Variants in PTPRU observed in about 807,000 individuals in gnomAD.
PTPRU encodes protein tyrosine phosphatase receptor type U.
A neutral mutation model predicts 166.3 loss-of-function variants in PTPRU; 69 were observed. The observed-to-expected ratio is 0.41, with a 90% CI of 0.34 to 0.51. The LOEUF is 0.51. Among genes scored for constraint, PTPRU ranks in the 20% least tolerant of loss-of-function variants. PTPRU has a pLI of 0.09. For missense variants in PTPRU, 1,657 were observed against 2,013.7 expected, an observed-to-expected ratio of 0.82 and a Z score of 3.39; for synonymous variants, 793 against 814.0, an observed-to-expected ratio of 0.97 and a Z score of 0.44.
intron 2 of PTPRU, among the ~76,000 whole-genome samples, chr1:29,256,001 C>A (rs1684757601): frequency 6.6e-6 from 1 of 152,122 alleles, no homozygotes; most frequent in South Asian, 2.1e-4. Flanking sequence ...TTCATCATGG[C>A]CCCTAGAACA....
chr1:29,321,937 G>A, intron 26 of PTPRU, among the ~76,000 whole-genome samples: 1 of 152,216 alleles, frequency 6.6e-6, no homozygotes, highest in East Asian at 1.9e-4. Flanking sequence ...CAGCCTTCCA[G>A]CCCTGCCTGA....
intron 15 of PTPRU, among the ~76,000 whole-genome samples, chr1:29,301,758 G>A (rs909879952): frequency 2.0e-5 from 3 of 151,942 alleles, no homozygotes; most frequent in Non-Finnish European, 4.4e-5. Context: ...GACAGGCCCC[G>A]GTGTGTGATG....
intron 15 of PTPRU, among the ~76,000 whole-genome samples, chr1:29,299,781 G>A (rs1035337840): frequency 6.6e-6 from 1 of 152,128 alleles, no homozygotes; most frequent in Non-Finnish European, 1.5e-5. Flanking sequence ...TCTCCATCTC[G>A]CCAGTTTCTT....
At chr1:29,289,589 A>G in intron 14 of PTPRU, 1 of 1,504,030 alleles carries the variant, frequency 6.6e-7, no homozygotes, top group Non-Finnish European at 9.2e-7. Context: ...GGAGGTACCC[A>G]GGCCCCACCC....
rs58202126 is a variant in PTPRU at position 29,272,770 on chromosome 1, G to T, written c.1145-2678G>T. Among the ~76,000 whole-genome samples the T allele has an allele frequency of 2.4e-4, 36 of 152,000 alleles. No homozygotes were observed. In the East Asian group the frequency reaches 3.5e-3, roughly 15 times the overall value. ...AAAAATACAAAAATTAGCTGGGCTTGGTGGTACGCACCTGTAGTGCCAGCT... is the reference window on the plus strand; with the variant it reads ...AAAAATACAAAAATTAGCTGGGCTTTGTGGTACGCACCTGTAGTGCCAGCT... On this transcript the variant is annotated intron_variant, in intron 7 of 29. Coordinates refer to ENST00000373779, the MANE Select transcript of PTPRU (RefSeq NM_133178.4).
Position 29,311,496 on chromosome 1 carries a change from G to A in PTPRU, c.2898G>A (p.Val966=), listed in dbSNP as rs758047679. ...TGGTCTATGACTTCTGGCGTATGGT[G>A]TGGCAGGAGCACTGTTCCAGCATCG... The part of the protein sequence containing the change: ...PEMVYDFWRM[V]WQEHCSSIVM... The change falls in exon 20 of 30, where the codon GTG becomes GTA. Residue 966 remains valine (V), a synonymous_variant. Coordinates refer to ENST00000373779, the MANE Select transcript of PTPRU (RefSeq NM_133178.4). This position sits in a 1 kb window ranked among gnomAD's most constrained non-coding sequence, Gnocchi z 4.1. 5.0e-5 allele frequency: 80 copies of A among 1,614,104 alleles called. No homozygotes were observed. Among genetic ancestry groups the A allele is most frequent in the Non-Finnish European group, 6.5e-5 (77 of 1,180,050 alleles).
At chr1:29,282,513 G>A (rs1686123580) in intron 11 of PTPRU, among the ~76,000 whole-genome samples, 163 bp from the exon 12 acceptor site, 1 of 152,184 alleles carries the variant, frequency 6.6e-6, no homozygotes, top group Non-Finnish European at 1.5e-5. Flanking sequence ...GGAAGAAACC[G>A]AGGCCCAGGG....
At position 29,236,635 on chromosome 1, in the gene PTPRU, C is replaced by T; in HGVS notation, c.-10C>T. The T allele has an allele frequency of 4.8e-6, 6 of 1,261,354 alleles. No homozygotes were observed. Among genetic ancestry groups the T allele is most frequent in the Non-Finnish European group, 6.0e-6 (6 of 1,001,840 alleles). 78.1% of individuals were successfully genotyped at this position (1,261,354 alleles called of 1,614,324 possible). ...CGCCGGGCCCCGGGACGGGCGGCGA[C>T]GCTCCAACCATGGCCCGTGCCCAGG... On this transcript the variant is annotated 5_prime_UTR_variant, in exon 1 of 30. In the 5' UTR this introduces an upstream ATG that the reference lacks. Coordinates refer to ENST00000373779, the MANE Select transcript of PTPRU (RefSeq NM_133178.4). This position sits in a 1 kb window ranked among gnomAD's most constrained non-coding sequence, Gnocchi z 4.6.
intron 15 of PTPRU, among the ~76,000 whole-genome samples, chr1:29,299,861 G>A (rs1017840011): frequency 1.2e-4 from 19 of 152,046 alleles, no homozygotes; most frequent in African/African-American, 3.6e-4. Flanking sequence ...GGTGCGTTAC[G>A]GACACTCCTT....
chr1:29,296,669 T>C (rs1196580326), intron 15 of PTPRU, among the ~76,000 whole-genome samples: 1 of 143,686 alleles, frequency 7.0e-6, no homozygotes, highest in Non-Finnish European at 1.5e-5. Flanking sequence ...CTGTCATGCC[T>C]TGCTACTTTG....
chr1:29,318,599 T>G (rs144483196), intron 25 of PTPRU, among the ~76,000 whole-genome samples: 9 of 152,050 alleles, frequency 5.9e-5, no homozygotes, highest in African/African-American at 2.2e-4. Flanking sequence ...GACACACGGG[T>G]GGAGATCATA....
rs1323709455 is a variant in PTPRU at position 29,236,882 on chromosome 1, G to A, written c.73+165G>A. 6.6e-6 allele frequency among the ~76,000 whole-genome samples: 1 copy of A among 152,194 alleles called. No homozygotes were observed. Among genetic ancestry groups the A allele is most frequent in the African/African-American group, 2.4e-5 (1 of 41,456 alleles). On this transcript the variant is annotated intron_variant, in intron 1 of 29. Coordinates refer to ENST00000373779, the MANE Select transcript of PTPRU (RefSeq NM_133178.4). The surrounding 1 kb of genome is among the most constrained non-coding windows in gnomAD (Gnocchi z 4.6). ...TGTGTGCCCGGGGTGTTGCGTGACT[G>A]CGAATGTTGTGTGTCCGTGAGTTCT... is the stretch of plus-strand genomic sequence containing the variant.
rs563209803 is a variant in PTPRU at position 29,280,925 on chromosome 1, A to T, written c.1868+784A>T. 1.4e-4 allele frequency among the ~76,000 whole-genome samples: 22 copies of T among 152,250 alleles called. No homozygotes were observed. The South Asian group carries it at 4.6e-3, about 32-fold the overall frequency. ...TATTACCTTCATTTTACATATCGGGAAACTGACTCAGAGCCTGAATCACTT... is the reference window on the plus strand; with the variant it reads ...TATTACCTTCATTTTACATATCGGGTAACTGACTCAGAGCCTGAATCACTT... On this transcript the variant is annotated intron_variant, in intron 11 of 29. Transcript: ENST00000373779. This position sits in a 1 kb window ranked among gnomAD's most constrained non-coding sequence, Gnocchi z 4.2.
At chr1:29,258,834 A>T in intron 3 of PTPRU, 58 bp downstream of exon 3, 1 of 1,524,686 alleles carries the variant, frequency 6.6e-7, no homozygotes, top group Non-Finnish European at 8.8e-7. Flanking sequence ...GATGGATGTC[A>T]AATTGAGGTT....
At position 29,320,615 on chromosome 1, in the gene PTPRU, C is replaced by G. The variant is rs890270439; in HGVS notation, c.3688-70C>G. The G allele has an allele frequency of 2.7e-6, 4 of 1,461,440 alleles. No homozygotes were observed. In the African/African-American group the frequency reaches 5.7e-5, roughly 21 times the overall value. The allele number at this position is 1,461,440 out of a possible 1,614,324, so 90.5% of individuals were successfully genotyped here. On this transcript the variant is annotated intron_variant, in intron 25 of 29. Coordinates refer to ENST00000373779, the MANE Select transcript of PTPRU (RefSeq NM_133178.4). This position sits in a 1 kb window ranked among gnomAD's most constrained non-coding sequence, Gnocchi z 5.2. ...CAGGGTGGGCAGTGCGGGAAGACAG[C>G]CTGGGGCAGAGGCTCAGCCCAGGCC...
chr1:29,310,699 G>C, intron 18 of PTPRU, 45 bp from the exon 19 acceptor site: 1 of 1,583,026 alleles, frequency 6.3e-7, no homozygotes, highest in Non-Finnish European at 8.7e-7. Flanking sequence ...GGGGAGTGAG[G>C]GGCTACTCCC....
intron 11 of PTPRU, among the ~76,000 whole-genome samples, chr1:29,281,769 C>G (rs1686091301): frequency 6.6e-6 from 1 of 152,084 alleles, no homozygotes; most frequent in Non-Finnish European, 1.5e-5. Context: ...TTGGATGCTC[C>G]AAAGAAACAT....
At chr1:29,308,096 T>G (rs1188593180) in intron 18 of PTPRU, among the ~76,000 whole-genome samples, 2 of 152,040 alleles carry the variant, frequency 1.3e-5, no homozygotes, top group African/African-American at 4.8e-5. Context: ...CTACCCTAAT[T>G]CATCTAGCTA....
Position 29,323,660 on chromosome 1 carries a change from C to T in PTPRU, c.3984C>T (p.His1328=), listed in dbSNP as rs1249892765. 1.9e-6 allele frequency: 3 copies of T among 1,614,116 alleles called. No homozygotes were observed. Among genetic ancestry groups the T allele is most frequent in the Non-Finnish European group, 2.5e-6 (3 of 1,179,986 alleles). The change falls in exon 28 of 30, where the codon CAC becomes CAT. Residue 1328 remains histidine (H), a synonymous_variant. Coordinates refer to ENST00000373779, the MANE Select transcript of PTPRU (RefSeq NM_133178.4). ...RLQEGHLLVR[H]FQFLRWSAYR... ...AGGAGGGGCACCTGCTGGTGCGGCA[C>T]TTCCAGTTCCTGCGCTGGTCTGCAT...
Sources: gnomAD v4.1 joint callset for allele counts (sites outside exome capture counted in the v4.1 genomes callset) on GRCh38, gnomAD v4.1.1 for gene constraint, Gnocchi (gnomAD v3.1) non-coding constraint, MANE v1.5 for transcripts, NCBI Gene and HGNC (gene_info 2026-07-23, HGNC 2026-07-21) for gene names.